The following ARL15 variants were observed in gnomAD, a reference collection of about 807,000 sequenced individuals.
ARL15 encodes ADP-ribosylation factor-like protein 15.
ARL15 carries 19 observed loss-of-function variants against 25.2 expected under a neutral mutation model. That is an observed-to-expected ratio of 0.75 (90% CI 0.53 to 1.10). The LOEUF (loss-of-function observed/expected upper bound fraction) is 1.10, where lower values mean the gene tolerates loss of function less well. ARL15 is among the 50% of genes least tolerant of loss of function. The pLI, the probability that ARL15 is intolerant of heterozygous loss-of-function variation, is 0.00. For missense variants in ARL15, 220 were observed against 246.0 expected (o/e 0.89, Z 0.71); for synonymous variants, 94 against 86.8 (o/e 1.08, Z -0.46).
intron 4 of ARL15, among the ~76,000 whole-genome samples, chr5:54,011,334 C>T (rs1278942180): frequency 2.0e-5 from 3 of 152,188 alleles, no homozygotes; most frequent in African/African-American, 7.2e-5. Flanking sequence ...TTACACAGAA[C>T]TTCAACTTTC....
chr5:54,111,730 A>G (rs772037927), intron 4 of ARL15, among the ~76,000 whole-genome samples: 2 of 152,128 alleles, frequency 1.3e-5, no homozygotes, highest in Non-Finnish European at 2.9e-5. Flanking sequence ...TACATGTAGT[A>G]GTGTACACAT....
intron 4 of ARL15, among the ~76,000 whole-genome samples, chr5:54,020,301 A>G (rs1469074974): frequency 6.6e-6 from 1 of 152,088 alleles, no homozygotes; most frequent in Non-Finnish European, 1.5e-5. Flanking sequence ...ACCACCTTGC[A>G]GTACCAAGGC....
chr5:53,935,367 C>G (rs1040489091), intron 4 of ARL15, among the ~76,000 whole-genome samples: 9 of 151,894 alleles, frequency 5.9e-5, no homozygotes, highest in Non-Finnish European at 1.0e-4. Flanking sequence ...ACTTGAATAA[C>G]AAAAAAGAAA....
intron 1 of ARL15, among the ~76,000 whole-genome samples, chr5:54,238,293 C>T (rs1348960332): frequency 6.6e-6 from 1 of 152,130 alleles, no homozygotes; most frequent in African/African-American, 2.4e-5. Flanking sequence ...TGCACGTGAC[C>T]CCAGCACTGC....
chr5:54,157,041 T>C (rs968814904), intron 2 of ARL15, among the ~76,000 whole-genome samples: 6 of 152,158 alleles, frequency 3.9e-5, no homozygotes, highest in Non-Finnish European at 8.8e-5. Flanking sequence ...ATCCTGAAAA[T>C]GAAAAGCTCT....
chr5:54,024,025 C>T (rs1030572808), intron 4 of ARL15, among the ~76,000 whole-genome samples: 11 of 152,354 alleles, frequency 7.2e-5, no homozygotes, highest in African/African-American at 2.6e-4. Context: ...ATATAACCAT[C>T]AGCACCCCAC....
chr5:54,087,797 T>G, intron 4 of ARL15, among the ~76,000 whole-genome samples: 1 of 21,328 alleles, frequency 4.7e-5, no homozygotes, highest in South Asian at 1.5e-3. Flanking sequence ...TGCCTCAACC[T>G]CCTGAGTAGC....
chr5:54,206,646 G>A (rs1467145990), intron 1 of ARL15, among the ~76,000 whole-genome samples: 1 of 152,144 alleles, frequency 6.6e-6, no homozygotes, highest in Non-Finnish European at 1.5e-5. Flanking sequence ...AAAAAAATGA[G>A]GAGAACAACG....
At chr5:53,950,556 G>A (rs887323854) in intron 4 of ARL15, among the ~76,000 whole-genome samples, 4 of 152,010 alleles carry the variant, frequency 2.6e-5, no homozygotes, top group African/African-American at 9.7e-5. Flanking sequence ...GAGGGTAATC[G>A]TGAAGCAAGA....
At chr5:54,241,573 T>A (rs1454980770) in intron 1 of ARL15, among the ~76,000 whole-genome samples, 1 of 152,178 alleles carries the variant, frequency 6.6e-6, no homozygotes, top group African/African-American at 2.4e-5. Flanking sequence ...GTGTTTATTA[T>A]ATAATTTGCT....
At chr5:54,058,870 A>G (rs115389669) in intron 4 of ARL15, among the ~76,000 whole-genome samples, 3,478 of 152,316 alleles carry the variant, frequency 0.023, 92 homozygotes, top group African/African-American at 0.058. Flanking sequence ...ATAGAGGAGC[A>G]AGGCGGGAGG....
intron 4 of ARL15, among the ~76,000 whole-genome samples, chr5:54,060,633 T>G (rs1004745987): frequency 1.3e-5 from 2 of 152,312 alleles, no homozygotes; most frequent in South Asian, 2.1e-4. Context: ...GTCTCAGGTG[T>G]GTCTTTATCA....
intron 4 of ARL15, among the ~76,000 whole-genome samples, chr5:54,011,399 G>A (rs992592579): frequency 2.0e-5 from 3 of 152,106 alleles, no homozygotes; most frequent in African/African-American, 7.2e-5. Context: ...CATTTCTCCT[G>A]TAATCAGAAG....
At chr5:54,019,597 A>T (rs1035020225) in intron 4 of ARL15, among the ~76,000 whole-genome samples, 1 of 152,236 alleles carries the variant, frequency 6.6e-6, no homozygotes, top group Non-Finnish European at 1.5e-5. Flanking sequence ...TGTATTTACA[A>T]ATTTTCAAAT....
intron 4 of ARL15, among the ~76,000 whole-genome samples, chr5:53,930,901 G>A (rs1293506299): frequency 1.3e-5 from 2 of 152,098 alleles, no homozygotes; most frequent in Admixed American, 6.5e-5. Context: ...ATTCTTTGAG[G>A]AATTCTGGGC....
At chr5:53,998,121 A>G (rs1748739784) in intron 4 of ARL15, among the ~76,000 whole-genome samples, 1 of 152,122 alleles carries the variant, frequency 6.6e-6, no homozygotes, top group Non-Finnish European at 1.5e-5. Context: ...CCTTGCCTGC[A>G]GAATGAGAGC....
chr5:54,080,210 T>G (rs956291898), intron 4 of ARL15, among the ~76,000 whole-genome samples: 2 of 152,208 alleles, frequency 1.3e-5, no homozygotes, highest in Non-Finnish European at 2.9e-5. Context: ...TTGGGTATTC[T>G]GTTAGATAGG....
chr5:54,050,218 G>A (rs996810885), intron 4 of ARL15, among the ~76,000 whole-genome samples: 2 of 152,090 alleles, frequency 1.3e-5, no homozygotes, highest in Non-Finnish European at 2.9e-5. Context: ...TGTTTACTTC[G>A]ATCTGGTGCT....
At position 53,955,129 on chromosome 5, in the gene ARL15, C is replaced by A. The variant is rs539619598; in HGVS notation, c.463-68416G>T. The stretch of plus-strand genomic sequence containing the variant: ...GATGGAGACCTTAAAGAACCTGCCC[C>A]TCCACCTAAGGACTGTAAGACAAAG... On this transcript the variant is annotated intron_variant, in intron 4 of 4. Coordinates refer to ENST00000504924, the MANE Select transcript of ARL15 (RefSeq NM_019087.3). 1.1e-4 allele frequency among the ~76,000 whole-genome samples: 16 copies of A among 150,774 alleles called. No individual in the cohort carries two copies. The South Asian group carries it at 3.4e-3, about 32-fold the overall frequency.
Sources: gnomAD v4.1 joint callset for allele counts (sites outside exome capture counted in the v4.1 genomes callset) on GRCh38, gnomAD v4.1.1 for gene constraint, MANE v1.5 for transcripts, NCBI Gene and HGNC (gene_info 2026-07-23, HGNC 2026-07-21) for gene names.